Variants in TEX9 observed in about 807,000 individuals in gnomAD.
The protein encoded by TEX9 is testis-expressed protein 9.
TEX9 carries 74 observed loss-of-function variants against 59.6 expected under a neutral mutation model. That is an observed-to-expected ratio of 1.24 (90% CI 1.03 to 1.51). The LOEUF is 1.51. TEX9 is among the 40% of genes most tolerant of loss of function. The pLI is 0.00. For missense variants in TEX9, 522 were observed against 447.8 expected, an observed-to-expected ratio of 1.17 and a Z score of -1.49; for synonymous variants, 186 against 152.2, an observed-to-expected ratio of 1.22 and a Z score of -1.64.
chr15:56,404,066 G>C (rs2142532114), intron 9 of TEX9, among the ~76,000 whole-genome samples: 1 of 152,270 alleles, frequency 6.6e-6, no homozygotes, highest in East Asian at 1.9e-4. Flanking sequence ...CAGGACATAG[G>C]CATGGGCAAG....
chr15:56,261,328 T>C (rs1413686190), intron 1 of TEX9, among the ~76,000 whole-genome samples: 2 of 152,096 alleles, frequency 1.3e-5, no homozygotes, highest in African/African-American at 2.4e-5. Flanking sequence ...TTTTCTGATA[T>C]AGGCATGTAA....
At chr15:56,310,319 C>A (rs28621861) in intron 1 of TEX9, among the ~76,000 whole-genome samples, 43,743 of 151,964 alleles carry the variant, frequency 0.29, 7,268 homozygotes, top group Middle Eastern at 0.46. Flanking sequence ...GTAATCCCAG[C>A]TATTTGGGAG....
chr15:56,380,800 C>G (rs1380586381), intron 3 of TEX9, among the ~76,000 whole-genome samples: 1 of 152,034 alleles, frequency 6.6e-6, no homozygotes, highest in Non-Finnish European at 1.5e-5. Context: ...TGTATTGGAG[C>G]TTCTTTGTAT....
At chr15:56,405,547 T>A (rs1205572139) in intron 9 of TEX9, among the ~76,000 whole-genome samples, 1 of 152,180 alleles carries the variant, frequency 6.6e-6, no homozygotes, top group Non-Finnish European at 1.5e-5. Context: ...ACAATGAATG[T>A]ACTAAGCAGT....
the TEX9 span, among the ~76,000 whole-genome samples, chr15:56,452,336 G>A: frequency 6.6e-6 from 1 of 152,010 alleles, no homozygotes; most frequent in African/African-American, 2.4e-5. Context: ...TTAATTCCCC[G>A]AGCAATGAGT....
In TEX9 at chr15:56,330,723, C is replaced by T. The variant is rs574329576; in HGVS notation, c.-106-42718C>T. ...ATCAAATCATACCACCAGAGGAAATCACCATCAAAAAGGAAGATAAGAAAG... is the reference window on the plus strand; with the variant it reads ...ATCAAATCATACCACCAGAGGAAATTACCATCAAAAAGGAAGATAAGAAAG... On this transcript the variant is annotated intron_variant, in intron 1 of 5. Coordinates refer to the TEX9 transcript ENST00000560827. 9.9e-5 allele frequency among the ~76,000 whole-genome samples: 15 copies of T among 151,158 alleles called. 1 individual carries two copies. The highest frequency in any genetic ancestry group is 3.4e-4 in the African/African-American group (14 of 41,194).
chr15:56,399,676 C>G (rs2048672571), intron 9 of TEX9, among the ~76,000 whole-genome samples: 1 of 152,222 alleles, frequency 6.6e-6, no homozygotes, highest in Non-Finnish European at 1.5e-5. Flanking sequence ...TCCCTGACCC[C>G]TGTGTATCCT....
intron 1 of TEX9, among the ~76,000 whole-genome samples, chr15:56,290,887 T>C (rs141832439): frequency 7.2e-5 from 11 of 152,290 alleles, no homozygotes; most frequent in African/African-American, 2.2e-4. Context: ...TGTCATTGTT[T>C]TTTTATGGGA....
intron 1 of TEX9, among the ~76,000 whole-genome samples, chr15:56,300,217 GC>G (rs1290967616): frequency 6.6e-6 from 1 of 151,948 alleles, no homozygotes; most frequent in African/African-American, 2.4e-5. Context: ...CATCGCAGTA[GC>G]CAGGCAGTAC....
intron 2 of TEX9, among the ~76,000 whole-genome samples, chr15:56,368,808 C>G (rs2047061521): frequency 6.6e-6 from 1 of 152,044 alleles, no homozygotes; most frequent in Non-Finnish European, 1.5e-5. Flanking sequence ...CTTTTTCTAT[C>G]AAGCTTCCTG....
intron 1 of TEX9, among the ~76,000 whole-genome samples, chr15:56,344,664 A>G (rs2141845098): frequency 6.6e-6 from 1 of 152,262 alleles, no homozygotes; most frequent in African/African-American, 2.4e-5. Flanking sequence ...ATATACTCCA[A>G]TGATGCCATA....
At chr15:56,345,202 T>A (rs2046448101) in intron 1 of TEX9, among the ~76,000 whole-genome samples, 1 of 151,700 alleles carries the variant, frequency 6.6e-6, no homozygotes, top group African/African-American at 2.4e-5. Flanking sequence ...CTCCACTGAA[T>A]GAATAGAAAT....
chr15:56,323,285 A>G (rs1156741960), intron 1 of TEX9: 1 of 215,608 alleles, frequency 4.6e-6, no homozygotes, highest in Non-Finnish European at 9.8e-6. Flanking sequence ...AAGAGAAAGG[A>G]AAATTTGAAG....
At chr15:56,352,699 A>G (rs2046608532) in intron 1 of TEX9, among the ~76,000 whole-genome samples, 1 of 152,114 alleles carries the variant, frequency 6.6e-6, no homozygotes, top group South Asian at 2.1e-4. Flanking sequence ...TTACCAGATG[A>G]TATTTTATAT....
intron 12 of TEX9, among the ~76,000 whole-genome samples, chr15:56,439,375 C>T (rs534859842): frequency 6.6e-6 from 1 of 151,894 alleles, no homozygotes; most frequent in East Asian, 1.9e-4. Flanking sequence ...TATCAAAATC[C>T]CAGCAAAAAA....
At chr15:56,271,529 C>T (rs2044531494) in intron 1 of TEX9, among the ~76,000 whole-genome samples, 2 of 152,104 alleles carry the variant, frequency 1.3e-5, no homozygotes, top group African/African-American at 4.8e-5. Flanking sequence ...AAACTCTTGA[C>T]CTCAGGTGAT....
At chr15:56,322,855 C>G (rs985443864) in intron 1 of TEX9, among the ~76,000 whole-genome samples, 1 of 151,970 alleles carries the variant, frequency 6.6e-6, no homozygotes, top group Non-Finnish European at 1.5e-5. Flanking sequence ...AAAAATATCA[C>G]ATGTTGAAGA....
intron 1 of TEX9, among the ~76,000 whole-genome samples, chr15:56,321,116 A>C (rs2045891700): frequency 6.6e-6 from 1 of 152,158 alleles, no homozygotes; most frequent in Admixed American, 6.5e-5. Flanking sequence ...ACTCAATGCC[A>C]CTGTGTGATT....
At chr15:56,379,457 G>C (rs1262584296) in intron 3 of TEX9, among the ~76,000 whole-genome samples, 1 of 152,154 alleles carries the variant, frequency 6.6e-6, no homozygotes, top group Non-Finnish European at 1.5e-5. Flanking sequence ...CTTGTTTTGT[G>C]ACCTAACATA....
Sources: allele counts gnomAD v4.1 joint callset (sites outside exome capture counted in the v4.1 genomes callset), GRCh38; gene constraint gnomAD v4.1.1; transcripts MANE v1.5; gene names NCBI Gene and HGNC (gene_info 2026-07-23, HGNC 2026-07-21).